Variants in CSMD1 observed in about 807,000 individuals in gnomAD.
CSMD1 encodes the protein CUB and Sushi multiple domains 1.
Under a neutral mutation model 417.5 loss-of-function variants are expected in CSMD1, and 213 were observed. That is an observed-to-expected ratio of 0.51 (90% CI 0.46 to 0.57). The LOEUF is 0.57. CSMD1 is among the 20% of genes least tolerant of loss of function. CSMD1 has a pLI of 0.00. For synonymous variants in CSMD1, 2,862 were observed against 1,736.8 expected, an observed-to-expected ratio of 1.65 and a Z score of -16.11; for missense variants, 6,923 against 4,529.7, an observed-to-expected ratio of 1.53 and a Z score of -15.17.
At chr8:3,133,714 C>T (rs1817920794) in intron 41 of CSMD1, among the ~76,000 whole-genome samples, 1 of 152,140 alleles carries the variant, frequency 6.6e-6, no homozygotes, top group African/African-American at 2.4e-5. Flanking sequence ...GAGTGCCCAG[C>T]ACCTCTCGCT....
intron 36 of CSMD1, among the ~76,000 whole-genome samples, chr8:3,182,355 C>T (rs1310696513): frequency 2.6e-5 from 4 of 152,124 alleles, no homozygotes; most frequent in African/African-American, 7.2e-5. Context: ...GCTGAGATTA[C>T]AGGCATGCTC....
At chr8:4,298,580 T>C (rs1300880642) in intron 3 of CSMD1, among the ~76,000 whole-genome samples, 1 of 152,168 alleles carries the variant, frequency 6.6e-6, no homozygotes, top group Non-Finnish European at 1.5e-5. Context: ...TATGTAAATT[T>C]ACAAATATTG....
chr8:3,691,990 A>G (rs1371701267), intron 7 of CSMD1, among the ~76,000 whole-genome samples: 1 of 152,168 alleles, frequency 6.6e-6, no homozygotes, highest in Non-Finnish European at 1.5e-5. Flanking sequence ...TGTCCAGCTC[A>G]TGAGACAGGA....
intron 3 of CSMD1, among the ~76,000 whole-genome samples, chr8:4,222,556 A>C (rs935881675): frequency 1.3e-5 from 2 of 152,202 alleles, no homozygotes; most frequent in Non-Finnish European, 2.9e-5. Flanking sequence ...GAAGTACAGA[A>C]AAAGGTTAAA....
intron 4 of CSMD1, among the ~76,000 whole-genome samples, chr8:4,027,404 G>A (rs1009811505): frequency 3.9e-5 from 6 of 152,136 alleles, no homozygotes; most frequent in Admixed American, 3.9e-4. Flanking sequence ...GAGTTGGGGA[G>A]GCACATTGTG....
At chr8:4,125,737 A>C (rs1194374352) in intron 3 of CSMD1, among the ~76,000 whole-genome samples, 1 of 152,104 alleles carries the variant, frequency 6.6e-6, no homozygotes, top group East Asian at 1.9e-4. Context: ...TCACAGTTTG[A>C]CTCTGAAACA....
At chr8:4,260,959 C>G (rs948727952) in intron 3 of CSMD1, among the ~76,000 whole-genome samples, 3 of 152,128 alleles carry the variant, frequency 2.0e-5, no homozygotes, top group Non-Finnish European at 2.9e-5. Context: ...TCTACCTTTA[C>G]TCTCATTGAC....
intron 1 of CSMD1, among the ~76,000 whole-genome samples, chr8:4,979,424 C>A (rs1810750718): frequency 6.6e-6 from 1 of 152,120 alleles, no homozygotes; most frequent in African/African-American, 2.4e-5. Context: ...AGAGACGGAA[C>A]TCGAGCTTAC....
At chr8:4,434,172 T>G (rs1272268534) in intron 2 of CSMD1, among the ~76,000 whole-genome samples, 1 of 152,114 alleles carries the variant, frequency 6.6e-6, no homozygotes, top group East Asian at 1.9e-4. Context: ...AACCAGTCTC[T>G]ACTAAAAATA....
intron 3 of CSMD1, among the ~76,000 whole-genome samples, chr8:4,417,247 C>G (rs11993264): frequency 1.3e-5 from 2 of 151,804 alleles, no homozygotes; most frequent in Non-Finnish European, 2.9e-5. Flanking sequence ...TGACTGAACA[C>G]GTTGATTACA....
At position 4,473,493 on chromosome 8, in the gene CSMD1, G is replaced by C. The variant is rs1011983292; in HGVS notation, c.303-53428C>G. On this transcript the variant is annotated intron_variant, in intron 2 of 69. Transcript: ENST00000635120. The stretch of plus-strand genomic sequence containing the variant: ...AATACCCAGTGTCTGCAAATCCAAA[G>C]AACCCCCACTCCCCTCTTGCACCTG... 2.6e-5 allele frequency among the ~76,000 whole-genome samples: 4 copies of C among 152,138 alleles called. No individual in the cohort carries two copies. In the South Asian group the frequency reaches 8.3e-4, roughly 32 times the overall value.
intron 1 of CSMD1, among the ~76,000 whole-genome samples, chr8:4,657,090 G>A (rs998100867): frequency 2.0e-5 from 3 of 152,094 alleles, no homozygotes; most frequent in Admixed American, 1.3e-4. Flanking sequence ...AGAAAAGCTA[G>A]GCACAGATTT....
intron 3 of CSMD1, among the ~76,000 whole-genome samples, chr8:4,223,458 A>T (rs918628843): frequency 4.7e-4 from 72 of 152,354 alleles, no homozygotes; most frequent in African/African-American, 1.7e-3. Flanking sequence ...GCTGGCCCAG[A>T]CCATGCCATG....
intron 12 of CSMD1, among the ~76,000 whole-genome samples, chr8:3,436,159 C>A (rs1229589350): frequency 2.0e-5 from 3 of 152,064 alleles, no homozygotes; most frequent in South Asian, 2.1e-4. Context: ...GAATTTATTA[C>A]CACCTGGGAG....
chr8:3,654,237 G>A (rs774536953), intron 7 of CSMD1, among the ~76,000 whole-genome samples: 1 of 152,054 alleles, frequency 6.6e-6, no homozygotes, highest in East Asian at 1.9e-4. Context: ...GTAAACCTTG[G>A]TTTTCAGGGA....
intron 5 of CSMD1, among the ~76,000 whole-genome samples, chr8:3,784,435 G>C (rs368464623): frequency 2.0e-5 from 3 of 152,172 alleles, no homozygotes; most frequent in East Asian, 1.9e-4. Context: ...TGGCCTTTCA[G>C]TTTCTTAAAG....
intron 3 of CSMD1, among the ~76,000 whole-genome samples, chr8:4,382,351 G>C (rs987368126): frequency 6.6e-6 from 1 of 152,148 alleles, no homozygotes; most frequent in Admixed American, 6.5e-5. Context: ...ATGACTGGTC[G>C]ACCAATGACA....
chr8:4,285,480 T>C (rs1454818207), intron 3 of CSMD1, among the ~76,000 whole-genome samples: 4 of 152,110 alleles, frequency 2.6e-5, no homozygotes, highest in Non-Finnish European at 5.9e-5. Flanking sequence ...AGAAAAAAAG[T>C]GGGCTTTTCC....
Position 3,741,297 on chromosome 8 carries a change from T to A in CSMD1, c.931+12633A>T, listed in dbSNP as rs116880861. Among the ~76,000 whole-genome samples the A allele has an allele frequency of 9.9e-4, 146 of 146,876 alleles. 1 individual carries two copies. Among genetic ancestry groups the A allele is most frequent in the East Asian group, 8.7e-3 (43 of 4,970 alleles). On this transcript the variant is annotated intron_variant, in intron 6 of 69. Coordinates refer to ENST00000635120, the MANE Select transcript of CSMD1 (RefSeq NM_033225.6). The stretch of plus-strand genomic sequence containing the variant: ...ACTCCATGCGGTAGAGTTTAGTAGG[T>A]CAGAGACTAAATGTTTAAAGAGGTT...
Sources: gnomAD v4.1 joint callset for allele counts (sites outside exome capture counted in the v4.1 genomes callset) on GRCh38, gnomAD v4.1.1 for gene constraint, MANE v1.5 for transcripts, NCBI Gene and HGNC (gene_info 2026-07-23, HGNC 2026-07-21) for gene names.